Variants in INF2 observed in about 807,000 individuals in gnomAD.
INF2 encodes inverted formin 2, also known as inverted formin-2.
A neutral mutation model predicts 123.5 loss-of-function variants in INF2; 43 were observed. That is an observed-to-expected ratio of 0.35 (90% CI 0.27 to 0.45). The LOEUF (loss-of-function observed/expected upper bound fraction) is 0.45. Ranked by LOEUF, INF2 falls within the 20% of genes least tolerant of loss-of-function variation. The pLI, the probability that INF2 is intolerant of heterozygous loss-of-function variation, is 1.00. For missense variants in INF2, 1,453 were observed against 1,682.7 expected, an observed-to-expected ratio of 0.86 and a Z score of 2.39; for synonymous variants, 851 against 745.0, an observed-to-expected ratio of 1.14 and a Z score of -2.32.
chr14:104,713,754 A>C, intron 20 of INF2, 148 bp downstream of exon 20: 1 of 875,924 alleles, frequency 1.1e-6, no homozygotes, highest in Non-Finnish European at 1.7e-6. Context: ...AGCCGAGGGG[A>C]CAGGTGGTGG....
chr14:104,719,975 GT>G lies in INF2; in HGVS notation c.*1185del. ...CTGGTTATGTGTGTGCTGCGGTGGT[GT>G]TTGCTCTCCAGCAGATCAAGTTTGT... On this transcript the variant is annotated 3_prime_UTR_variant, in exon 23 of 23. Coordinates refer to ENST00000392634, the MANE Select transcript of INF2 (RefSeq NM_022489.4). 1 of 152,624 alleles carries G rather than the reference GT, an allele frequency of 6.6e-6. No individual in the cohort carries two copies. Among genetic ancestry groups the G allele is most frequent in the Non-Finnish European group, 1.5e-5 (1 of 68,232 alleles). 9.5% of individuals were successfully genotyped at this position (152,624 alleles called of 1,614,324 possible). A position where few individuals can be genotyped will look rare whatever the true frequency, so the allele number is the denominator to read the frequency against.
At chr14:104,718,017 C>G (rs922061736) in intron 22 of INF2, among the ~76,000 whole-genome samples, 6 of 152,252 alleles carry the variant, frequency 3.9e-5, no homozygotes, top group Non-Finnish European at 7.3e-5. Flanking sequence ...TAGCTCACCC[C>G]AGACTTGCTG....
upstream of INF2, chr14:104,685,055 G>C (rs1465209556): frequency 6.6e-6 from 1 of 152,180 alleles, no homozygotes; most frequent in Admixed American, 6.5e-5. Flanking sequence ...CTGTTCTTAA[G>C]CAAGTACTGG....
upstream of INF2, among the ~76,000 whole-genome samples, chr14:104,688,904 G>A (rs745781925): frequency 6.6e-6 from 1 of 152,260 alleles, no homozygotes; most frequent in Non-Finnish European, 1.5e-5. Flanking sequence ...GTCAATGTCG[G>A]CGGTGGGGGG....
chr14:104,704,058 C>T, intron 5 of INF2, 109 bp downstream of exon 5: 2 of 1,572,676 alleles, frequency 1.3e-6, no homozygotes, highest in South Asian at 1.1e-5. Flanking sequence ...CTCCAGATGG[C>T]AGGGAGGTGG....
chr14:104,701,470 C>A lies in INF2; in HGVS notation c.105C>A (p.Pro35=). Residue 35 remains proline, a synonymous_variant, in exon 2 of 23, where the codon CCC becomes CCA. Coordinates refer to ENST00000392634, the MANE Select transcript of INF2 (RefSeq NM_022489.4). ...PTEANLESAD[P]ELCIRLLQMP... is the part of the protein sequence containing the mutation. ...AGGCCAACCTGGAGAGCGCGGACCC[C>A]GAGCTGTGCATCCGGCTGCTCCAGA... is the stretch of plus-strand genomic sequence containing the variant. 6.2e-7 allele frequency: 1 copy of A among 1,600,628 alleles called. No individual in the cohort carries two copies. Among genetic ancestry groups the A allele is most frequent in the Non-Finnish European group, 8.5e-7 (1 of 1,173,996 alleles).
At chr14:104,691,908 C>T (rs886759996) in intron 1 of INF2, among the ~76,000 whole-genome samples, 1 of 152,158 alleles carries the variant, frequency 6.6e-6, no homozygotes, top group Non-Finnish European at 1.5e-5. Flanking sequence ...CAGCTGCCCC[C>T]CAGCCCAGTG....
At chr14:104,714,983 C>T (rs1450546776) in intron 21 of INF2, 127 bp downstream of exon 21, 3 of 1,053,364 alleles carry the variant, frequency 2.8e-6, no homozygotes, top group South Asian at 1.7e-5. Context: ...GGGTGCGGCA[C>T]GGGAGAGGAG....
rs762803590 is a variant in INF2, at chr14:104,712,926, G to C, written c.2709G>C (p.Gln903His). The C allele has an allele frequency of 8.1e-6, 13 of 1,612,716 alleles. No homozygotes were observed. Among genetic ancestry groups the C allele is most frequent in the Middle Eastern group, 3.3e-4 (2 of 6,060 alleles). The change falls in exon 18 of 23, where the codon CAG (glutamine) becomes CAC (histidine). Residue 903 changes from glutamine (Q) to histidine (H), a missense_variant. Physicochemically the swap from Gln to His is conservative, Grantham distance 24. Around this residue, in one of 8 missense-constraint regions of INF2, gnomAD observed 212 missense variants for 266.2 expected, o/e 0.80. Coordinates refer to ENST00000392634, the MANE Select transcript of INF2 (RefSeq NM_022489.4). Reference protein sequence around the residue: ...LADYLCEDAQQLSLEDTFSTM... With the variant: ...LADYLCEDAQHLSLEDTFSTM... ...ACTACCTGTGTGAGGACGCCCAGCA[G>C]CTGTCCCTGGAGGACACGTTCAGCA...
At chr14:104,714,879 G>T in intron 21 of INF2, 23 bp downstream of exon 21, 2 of 1,518,872 alleles carry the variant, frequency 1.3e-6, no homozygotes, top group East Asian at 2.4e-5. Context: ...GGGGCCCCGG[G>T]CACCGTCCCA....
In INF2 at chr14:104,699,149, G is replaced by C. The variant is rs547479091; in HGVS notation, c.-9-2208G>C. Among the ~76,000 whole-genome samples the C allele has an allele frequency of 6.6e-6, 1 of 152,018 alleles. No individual in the cohort carries two copies. Among genetic ancestry groups the C allele is most frequent in the Non-Finnish European group, 1.5e-5 (1 of 68,006 alleles). On this transcript the variant is annotated intron_variant, in intron 1 of 22. Coordinates refer to ENST00000392634, the MANE Select transcript of INF2 (RefSeq NM_022489.4). The surrounding 1 kb of genome is among the most constrained non-coding windows in gnomAD (Gnocchi z 4.7). ...TGGGGCCTGGGGCACGGTGGCTCTCGGCGGCACTGCTTGTCTCTAAAAGGT... is the reference window on the plus strand; with the variant it reads ...TGGGGCCTGGGGCACGGTGGCTCTCCGCGGCACTGCTTGTCTCTAAAAGGT...
At position 104,701,237 on chromosome 14, in the gene INF2, C is replaced by T. The variant is rs552891663; in HGVS notation, c.-9-120C>T. The T allele has an allele frequency of 1.2e-4, 143 of 1,149,718 alleles. 1 individual carries two copies. In the South Asian group the frequency reaches 2.0e-3, roughly 16 times the overall value. 71.2% of individuals were successfully genotyped at this position (1,149,718 alleles called of 1,614,324 possible). A position where few individuals can be genotyped will look rare whatever the true frequency, so the allele number is the denominator to read the frequency against. ...GCTACCCCTAACCCTCAGCATGGCA[C>T]GTGAGCAGGAATTGCAGCAGAGAAA... is the stretch of plus-strand genomic sequence containing the variant. On this transcript the variant is annotated intron_variant, in intron 1 of 22. Coordinates refer to ENST00000392634, the MANE Select transcript of INF2 (RefSeq NM_022489.4).
intron 10 of INF2, 130 bp from the exon 11 acceptor site, chr14:104,709,151 G>A: frequency 2.9e-6 from 2 of 701,514 alleles, no homozygotes. Context: ...CAACTCGACT[G>A]TTCTGTGTCC....
At chr14:104,709,034 G>T (rs1889916343) in intron 10 of INF2, among the ~76,000 whole-genome samples, 1 of 152,204 alleles carries the variant, frequency 6.6e-6, no homozygotes, top group Admixed American at 6.5e-5. Flanking sequence ...ACTGGCCCGA[G>T]GGAGCTGGCT....
At position 104,701,718 on chromosome 14, in the gene INF2, T is replaced by C; in HGVS notation, c.353T>C (p.Ile118Thr). The C allele has an allele frequency of 6.5e-7, 1 of 1,540,498 alleles. No individual in the cohort carries two copies. The highest frequency in any genetic ancestry group is 2.4e-5 in the East Asian group (1 of 42,488). Reference protein sequence around the residue: ...VMNSRQGIEYILSNQGYVRQL... With the variant: ...VMNSRQGIEYTLSNQGYVRQL... ...AACTCGCGGCAGGGCATCGAGTACA[T>C]CCTCAGCAACCAGGGCTACGTGCGC... Residue 118 changes from isoleucine to threonine, a missense_variant, in exon 2 of 23, where the codon ATC becomes ACC. Physicochemically the swap from Ile to Thr is moderately conservative, Grantham distance 89. Transcript: ENST00000392634.
chr14:104,696,707 G>A (rs1889209938), intron 1 of INF2, among the ~76,000 whole-genome samples: 1 of 152,140 alleles, frequency 6.6e-6, no homozygotes, highest in Non-Finnish European at 1.5e-5. Context: ...TCCATGGGTT[G>A]CCAAGCAGTG....
chr14:104,688,668 G>C (rs1008924059), upstream of INF2, among the ~76,000 whole-genome samples: 2 of 152,258 alleles, frequency 1.3e-5, no homozygotes, highest in African/African-American at 2.4e-5. Flanking sequence ...GGTTCTCAGG[G>C]CAGGGGTTGT....
In INF2 at chr14:104,713,430, C is replaced by G; in HGVS notation, c.2879-15C>G. On this transcript the variant is annotated splice_polypyrimidine_tract_variant and intron_variant, in intron 19 of 22. Transcript: ENST00000392634. ...AGGGTCCCATGCCGCTCTCTGAGTG[C>G]CCCACGCTCCTCAGTCAGGAAGGGG... 1 of 1,607,044 alleles carries G rather than the reference C, an allele frequency of 6.2e-7. No individual in the cohort carries two copies. The highest frequency in any genetic ancestry group is 8.5e-7 in the Non-Finnish European group (1 of 1,177,578).
intron 20 of INF2, among the ~76,000 whole-genome samples, chr14:104,713,919 G>A (rs1354242968): frequency 6.6e-6 from 1 of 152,254 alleles, no homozygotes; most frequent in Non-Finnish European, 1.5e-5. Flanking sequence ...GAGGGTGCTA[G>A]AGGTGGCAGG....
Sources: gnomAD v4.1 joint callset for allele counts (sites outside exome capture counted in the v4.1 genomes callset) on GRCh38, gnomAD v4.1.1 for gene constraint, gnomAD v4.1.1 regional missense constraint, Gnocchi (gnomAD v3.1) non-coding constraint, MANE v1.5 for transcripts, NCBI Gene and HGNC (gene_info 2026-07-23, HGNC 2026-07-21) for gene names.